Variants in BTBD17 observed in about 807,000 individuals in gnomAD.
BTBD17 encodes the protein BTB domain containing 17.
In BTBD17, 26 loss-of-function variants were observed where a neutral mutation model predicts 36.9. The observed-to-expected ratio is 0.70, with a 90% confidence interval of 0.52 to 0.98. BTBD17 has a LOEUF of 0.98. Among genes scored for constraint, BTBD17 ranks in the 50% least tolerant of loss-of-function variants. The pLI, the probability that BTBD17 is intolerant of heterozygous loss-of-function variation, is 0.00. For missense variants in BTBD17, 630 were observed against 691.3 expected, an observed-to-expected ratio of 0.91 and a Z score of 0.99; for synonymous variants, 341 against 338.0, an observed-to-expected ratio of 1.01 and a Z score of -0.10.
intron 2 of BTBD17, among the ~76,000 whole-genome samples, chr17:74,359,617 G>C (rs1233556566): frequency 6.6e-6 from 1 of 152,136 alleles, no homozygotes; most frequent in African/African-American, 2.4e-5. Flanking sequence ...TTGAACTCCT[G>C]ACCTCAAGTG....
chr17:74,356,953 G>T lies in BTBD17; in HGVS notation c.1141C>A (p.Leu381Met). Residue 381 changes from leucine (L) to methionine (M), a missense_variant, in exon 3 of 3, where the codon CTG becomes ATG. Coordinates refer to ENST00000375366, the MANE Select transcript of BTBD17 (RefSeq NM_001080466.2). This position sits in a 1 kb window ranked among gnomAD's most constrained non-coding sequence, Gnocchi z 4.3. ...PVYADAAGTALPAARPEDGRP... is the reference protein window; with the variant it reads ...PVYADAAGTAMPAARPEDGRP... ...CCGTCCTCCGGGCGCGCGGCGGGCA[G>T]AGCAGTGCCCGCGGCGTCCGCGTAA... is the stretch of plus-strand genomic sequence containing the variant. The T allele has an allele frequency of 7.0e-7, 1 of 1,429,316 alleles. No individual in the cohort carries two copies. Among genetic ancestry groups the T allele is most frequent in the South Asian group, 1.5e-5 (1 of 68,268 alleles). The allele number at this position is 1,429,316 out of a possible 1,614,324, so 88.5% of individuals were successfully genotyped here.
At chr17:74,361,955 G>T, upstream of BTBD17, 1 of 660,758 alleles carries the variant, frequency 1.5e-6, no homozygotes. Context: ...CCCCCACTCA[G>T]CCTCCTCCAT....
chr17:74,360,581 G>T (rs1406624579), intron 1 of BTBD17, among the ~76,000 whole-genome samples: 1 of 152,170 alleles, frequency 6.6e-6, no homozygotes, highest in Non-Finnish European at 1.5e-5. Flanking sequence ...CCAGGCAAGG[G>T]TTGAGGAAAC....
In BTBD17 at chr17:74,357,373, C is replaced by A; in HGVS notation, c.721G>T (p.Ala241Ser). The A allele has an allele frequency of 6.4e-7, 1 of 1,553,738 alleles. No homozygotes were observed. Among genetic ancestry groups the A allele is most frequent in the Non-Finnish European group, 8.6e-7 (1 of 1,158,842 alleles). ...TCGGCCACGGCAGGGGGCGGCCGCG[C>A]GCGACCCAGCCAGGCCTCCAGCGCG... ...FHALEAWLGR[A>S]RPPPAVAERA... The change falls in exon 3 of 3, where the codon GCG (alanine) becomes TCG (serine). Residue 241 changes from alanine (A) to serine (S), a missense_variant. Ala to Ser is a moderately conservative substitution (Grantham distance 99). Transcript: ENST00000375366. The surrounding 1 kb of genome is among the most constrained non-coding windows in gnomAD (Gnocchi z 8.4).
upstream of BTBD17, among the ~76,000 whole-genome samples, chr17:74,362,965 C>CGCGTGT (rs112779081): frequency 0.027 from 3,883 of 145,978 alleles, 61 homozygotes; most frequent in South Asian, 0.041. Flanking sequence ...AGCGCGCGCG[C>CGCGTGT]ATGTGTGTGT....
upstream of BTBD17, among the ~76,000 whole-genome samples, chr17:74,362,260 G>A (rs1016103602): frequency 7.2e-5 from 11 of 152,164 alleles, no homozygotes; most frequent in African/African-American, 1.2e-4. Flanking sequence ...ACTTGGCAGC[G>A]TCGTGCCTGG....
In BTBD17 at chr17:74,361,856, T is replaced by C. The variant is rs1246069924; in HGVS notation, c.-37A>G. On this transcript the variant is annotated 5_prime_UTR_variant, in exon 1 of 3. Transcript: ENST00000375366. The stretch of plus-strand genomic sequence containing the variant: ...GCCCCCAAGTCCACTGGAGGGACGG[T>C]GAAGCCCAGACCACTCTGCTCACAT... 4 of 1,561,482 alleles carry C rather than the reference T, an allele frequency of 2.6e-6. No individual in the cohort carries two copies. The highest frequency in any genetic ancestry group is 3.5e-6 in the Non-Finnish European group (4 of 1,133,916).
chr17:74,361,759 A>G lies in BTBD17; in HGVS notation c.61T>C (p.Leu21=). The G allele has an allele frequency of 6.2e-7, 1 of 1,613,656 alleles. No individual in the cohort carries two copies. Among genetic ancestry groups the G allele is most frequent in the Non-Finnish European group, 8.5e-7 (1 of 1,179,808 alleles). ...SWGSFWAMLT[L]VGLVTHAAQR... is the part of the protein sequence containing the mutation. ...CCTGCATGGGTGACCAGGCCCACCAAGGTCAGCATGGCCCAGAAGCTGCCC... is the reference window on the plus strand; with the variant it reads ...CCTGCATGGGTGACCAGGCCCACCAGGGTCAGCATGGCCCAGAAGCTGCCC... Residue 21 remains leucine (L), a synonymous_variant, in exon 1 of 3, where the codon TTG becomes CTG. Coordinates refer to ENST00000375366, the MANE Select transcript of BTBD17 (RefSeq NM_001080466.2).
rs746722342 is a variant in BTBD17, at chr17:74,357,036, C to T, written c.1058G>A (p.Arg353Gln). Residue 353 changes from arginine to glutamine, a missense_variant, in exon 3 of 3, where the codon CGG (arginine) becomes CAG (glutamine). By Grantham distance (43) the Arg-to-Gln change is conservative. Coordinates refer to ENST00000375366, the MANE Select transcript of BTBD17 (RefSeq NM_001080466.2). The surrounding 1 kb of genome is among the most constrained non-coding windows in gnomAD (Gnocchi z 8.4). ...CGAGAAGAGCACGTTCCAGGTGACC[C>T]GGCGGCCCGCGTCGTGGCCACTCGG... is the stretch of plus-strand genomic sequence containing the variant. ...LGPSGHDAGR[R>Q]VTWNVLFSPR... The T allele has an allele frequency of 2.0e-6, 3 of 1,525,866 alleles. No individual in the cohort carries two copies. The highest frequency in any genetic ancestry group is 2.4e-5 in the South Asian group (2 of 82,394). 94.5% of individuals were successfully genotyped at this position (1,525,866 alleles called of 1,614,324 possible).
In BTBD17 at chr17:74,356,555, G is replaced by C. The variant is rs1191728928; in HGVS notation, c.*102C>G. The C allele has an allele frequency of 3.7e-6, 5 of 1,349,182 alleles. No individual in the cohort carries two copies. Among genetic ancestry groups the C allele is most frequent in the African/African-American group, 1.5e-5 (1 of 66,252 alleles). The allele number at this position is 1,349,182 out of a possible 1,614,324, so 83.6% of individuals were successfully genotyped here. On this transcript the variant is annotated 3_prime_UTR_variant, in exon 3 of 3. Transcript: ENST00000375366. The surrounding 1 kb of genome is among the most constrained non-coding windows in gnomAD (Gnocchi z 4.3). ...CCAGCCCTAGGGTGGCCGGCGCCTG[G>C]CCATCCAGGGGACCAGGCTTGTTGC...
rs1432027186 is a variant in BTBD17, at chr17:74,357,364, G to T, written c.730C>A (p.Pro244Thr). 3 of 1,550,550 alleles carry T rather than the reference G, an allele frequency of 1.9e-6. No homozygotes were observed. The highest frequency in any genetic ancestry group is 1.2e-5 in the South Asian group (1 of 85,404). Residue 244 changes from proline (P) to threonine (T), a missense_variant, in exon 3 of 3, where the codon CCC (proline) becomes ACC (threonine). Coordinates refer to ENST00000375366, the MANE Select transcript of BTBD17 (RefSeq NM_001080466.2). The surrounding 1 kb of genome is among the most constrained non-coding windows in gnomAD (Gnocchi z 8.4). ...AGCGCCCGCTCGGCCACGGCAGGGG[G>T]CGGCCGCGCGCGACCCAGCCAGGCC... ...LEAWLGRARP[P>T]PAVAERALRA...
chr17:74,360,055 C>G lies in BTBD17; in HGVS notation c.276G>C (p.Glu92Asp). The change falls in exon 2 of 3, where the codon GAG (glutamate) becomes GAC (aspartate). Residue 92 changes from glutamate (E) to aspartate (D), a missense_variant. Transcript: ENST00000375366. ...AHRLLLGLHS[E>D]LFLELLSNQS... ...GGTTACTTAGCAGCTCCAGGAACAG[C>G]TCACTGTGCAGTCCCAGCAGCAGGC... 1 of 1,613,230 alleles carries G rather than the reference C, an allele frequency of 6.2e-7. No homozygotes were observed.
At chr17:74,361,659 G>T in intron 1 of BTBD17, 76 bp downstream of exon 1, 1 of 1,257,186 alleles carries the variant, frequency 8.0e-7, no homozygotes, top group Non-Finnish European at 1.1e-6. Flanking sequence ...GCCCCCTCCT[G>T]GCCGGCCGCG....
intron 2 of BTBD17, 22 bp downstream of exon 2, chr17:74,359,947 C>A: frequency 6.3e-7 from 1 of 1,596,764 alleles, no homozygotes; most frequent in Non-Finnish European, 8.6e-7. Flanking sequence ...TGAAGCCATC[C>A]CCTAGTCTTC....
In BTBD17 at chr17:74,356,485, T is replaced by C; in HGVS notation, c.*172A>G. The C allele has an allele frequency of 8.9e-7, 1 of 1,123,502 alleles. No homozygotes were observed. Among genetic ancestry groups the C allele is most frequent in the Middle Eastern group, 2.4e-4 (1 of 4,098 alleles). The allele number at this position is 1,123,502 out of a possible 1,614,324, so 69.6% of individuals were successfully genotyped here. A position where few individuals can be genotyped will look rare whatever the true frequency, so the allele number is the denominator to read the frequency against. ...TTCAAGTCAGCTGTGAAATCAGCTC[T>C]TGAAACCAGGCATCTTGTCTACCAC... On this transcript the variant is annotated 3_prime_UTR_variant, in exon 3 of 3. Transcript: ENST00000375366. The surrounding 1 kb of genome is among the most constrained non-coding windows in gnomAD (Gnocchi z 4.3).
rs762290320 is a variant in BTBD17, at chr17:74,361,794, G to A, written c.26C>T (p.Pro9Leu). The A allele has an allele frequency of 1.2e-6, 2 of 1,613,920 alleles. No homozygotes were observed. The highest frequency in any genetic ancestry group is 3.3e-5 in the Admixed American group (2 of 59,992). Reference protein sequence around the residue: MPRRGYSKPGSWGSFWAML... With the variant: MPRRGYSKLGSWGSFWAML... ...GGCCCAGAAGCTGCCCCAGGACCCAGGCTTGGAGTAGCCTCTCCTAGGCAT... is the reference window on the plus strand; with the variant it reads ...GGCCCAGAAGCTGCCCCAGGACCCAAGCTTGGAGTAGCCTCTCCTAGGCAT... The change falls in exon 1 of 3, where the codon CCT becomes CTT. Residue 9 changes from proline to leucine, a missense_variant. Transcript: ENST00000375366.
rs1459951285 is a variant in BTBD17, at chr17:74,357,353, C to G, written c.741G>C (p.Val247=). The change falls in exon 3 of 3, where the codon GTG becomes GTC. Residue 247 remains valine, a synonymous_variant. Transcript: ENST00000375366. The surrounding 1 kb of genome is among the most constrained non-coding windows in gnomAD (Gnocchi z 8.4). ...GTATGGCGCGCAGCGCCCGCTCGGC[C>G]ACGGCAGGGGGCGGCCGCGCGCGAC... ...WLGRARPPPA[V]AERALRAIRY... is the part of the protein sequence containing the mutation. The G allele has an allele frequency of 6.4e-7, 1 of 1,552,512 alleles. No homozygotes were observed. Among genetic ancestry groups the G allele is most frequent in the Non-Finnish European group, 8.6e-7 (1 of 1,157,372 alleles).
At chr17:74,361,523 G>A (rs1567932816) in intron 1 of BTBD17, among the ~76,000 whole-genome samples, 1 of 152,204 alleles carries the variant, frequency 6.6e-6, no homozygotes, top group Admixed American at 6.5e-5. Context: ...AGGACAATGG[G>A]CAATGGAGGG....
In BTBD17 at chr17:74,357,026, C is replaced by A. The variant is rs1444318905; in HGVS notation, c.1068G>T (p.Trp356Cys). 1.3e-6 allele frequency: 2 copies of A among 1,526,638 alleles called. No homozygotes were observed. Among genetic ancestry groups the A allele is most frequent in the South Asian group, 1.2e-5 (1 of 82,556 alleles). The allele number at this position is 1,526,638 out of a possible 1,614,324, so 94.6% of individuals were successfully genotyped here. ...SGHDAGRRVT[W>C]NVLFSPRWLP... ...GCCAGCGCGGCGAGAAGAGCACGTT[C>A]CAGGTGACCCGGCGGCCCGCGTCGT... Residue 356 changes from tryptophan (W) to cysteine (C), a missense_variant, in exon 3 of 3, where the codon TGG becomes TGT. Coordinates refer to ENST00000375366, the MANE Select transcript of BTBD17 (RefSeq NM_001080466.2). This position sits in a 1 kb window ranked among gnomAD's most constrained non-coding sequence, Gnocchi z 8.4.
Sources: gnomAD v4.1 joint callset for allele counts (sites outside exome capture counted in the v4.1 genomes callset) on GRCh38, gnomAD v4.1.1 for gene constraint, Gnocchi (gnomAD v3.1) non-coding constraint, MANE v1.5 for transcripts, NCBI Gene and HGNC (gene_info 2026-07-23, HGNC 2026-07-21) for gene names.